The following SCMH1 variants were observed in gnomAD, a reference collection of about 807,000 sequenced individuals.
SCMH1 encodes the protein polycomb protein SCMH1.
SCMH1 carries 37 observed loss-of-function variants against 70.8 expected under a neutral mutation model. The observed-to-expected ratio is 0.52, with a 90% confidence interval of 0.40 to 0.69. The LOEUF (loss-of-function observed/expected upper bound fraction) is 0.69, where lower values mean the gene tolerates loss of function less well. SCMH1 is among the 30% of genes least tolerant of loss of function. The pLI is 0.00. For missense variants in SCMH1, 607 were observed against 827.3 expected, an observed-to-expected ratio of 0.73 and a Z score of 3.27; for synonymous variants, 292 against 307.4, an observed-to-expected ratio of 0.95 and a Z score of 0.52.
At chr1:41,215,729 A>G (rs904219778) in intron 1 of SCMH1, among the ~76,000 whole-genome samples, 2 of 152,076 alleles carry the variant, frequency 1.3e-5, no homozygotes, top group African/African-American at 2.4e-5. Flanking sequence ...ACCCATACTT[A>G]TGGCATTTAA....
intron 1 of SCMH1, among the ~76,000 whole-genome samples, chr1:41,197,168 A>G (rs1653226376): frequency 6.6e-6 from 1 of 152,288 alleles, no homozygotes; most frequent in African/African-American, 2.4e-5. Flanking sequence ...TGGAATTATC[A>G]TATGATCCAG....
intron 5 of SCMH1, among the ~76,000 whole-genome samples, chr1:41,150,859 C>T (rs571165186): frequency 6.6e-6 from 1 of 151,018 alleles, no homozygotes; most frequent in African/African-American, 2.4e-5. Context: ...ATGGTATGTA[C>T]CCAGGAGGCG....
intron 8 of SCMH1, among the ~76,000 whole-genome samples, chr1:41,084,677 C>T (rs1427821611): frequency 2.6e-5 from 4 of 152,086 alleles, no homozygotes; most frequent in East Asian, 1.9e-4. Flanking sequence ...CACATGCACA[C>T]GTATGTTTAC....
At chr1:41,069,734 C>T (rs1655831186) in intron 10 of SCMH1, among the ~76,000 whole-genome samples, 1 of 152,092 alleles carries the variant, frequency 6.6e-6, no homozygotes, top group African/African-American at 2.4e-5. Context: ...GAATCAAGGC[C>T]CACTCAAGAG....
intron 2 of SCMH1, among the ~76,000 whole-genome samples, chr1:41,163,875 T>G (rs932988657): frequency 6.6e-6 from 1 of 152,236 alleles, no homozygotes; most frequent in African/African-American, 2.4e-5. Flanking sequence ...TGGTTATCTT[T>G]GGGTGGTAGT....
At chr1:41,239,147 G>C (rs1456746235) in intron 1 of SCMH1, among the ~76,000 whole-genome samples, 1 of 151,924 alleles carries the variant, frequency 6.6e-6, no homozygotes, top group Non-Finnish European at 1.5e-5. Flanking sequence ...TTGATTTTAG[G>C]ATACTTATGC....
chr1:41,058,239 A>T (rs771525056), intron 10 of SCMH1, among the ~76,000 whole-genome samples: 1 of 152,058 alleles, frequency 6.6e-6, no homozygotes, highest in Non-Finnish European at 1.5e-5. Context: ...TGAATGAGTG[A>T]CTGAAGAAAT....
chr1:41,081,989 G>A (rs1013090363), intron 8 of SCMH1, among the ~76,000 whole-genome samples: 15 of 152,098 alleles, frequency 9.9e-5, no homozygotes, highest in African/African-American at 3.4e-4. Context: ...ACTGTGGTGA[G>A]TCAAATAGGT....
At chr1:41,071,554 TAGA>T (rs1176666021) in intron 9 of SCMH1, among the ~76,000 whole-genome samples, 1 of 152,200 alleles carries the variant, frequency 6.6e-6, no homozygotes, top group Non-Finnish European at 1.5e-5. Context: ...TATAGAATAA[TAGA>T]GGAAATAATA....
intron 1 of SCMH1, among the ~76,000 whole-genome samples, chr1:41,221,772 G>A (rs1447792733): frequency 6.6e-6 from 1 of 151,268 alleles, no homozygotes; most frequent in African/African-American, 2.4e-5. Context: ...GGCACCTGTA[G>A]TCCCAGCTAT....
chr1:41,200,556 G>A (rs1429971251), intron 1 of SCMH1, among the ~76,000 whole-genome samples: 1 of 149,952 alleles, frequency 6.7e-6, no homozygotes, highest in Non-Finnish European at 1.5e-5. Context: ...GAGGAAAACA[G>A]AGTTAGGAAT....
chr1:41,187,355 G>C (rs947012207), intron 1 of SCMH1, among the ~76,000 whole-genome samples: 1 of 151,004 alleles, frequency 6.6e-6, no homozygotes, highest in South Asian at 2.1e-4. Flanking sequence ...CCGGCTACTC[G>C]AGAGGCTGAG....
At chr1:41,106,361 C>G (rs1667919675) in intron 8 of SCMH1, among the ~76,000 whole-genome samples, 1 of 151,670 alleles carries the variant, frequency 6.6e-6, no homozygotes, top group Non-Finnish European at 1.5e-5. Flanking sequence ...ACACCCCCCT[C>G]CCCACACTGC....
chr1:41,225,620 T>G (rs1238399336), intron 1 of SCMH1, among the ~76,000 whole-genome samples: 1 of 152,068 alleles, frequency 6.6e-6, no homozygotes, highest in African/African-American at 2.4e-5. Context: ...ACATAGGAGG[T>G]GACTTTTCAA....
intron 12 of SCMH1, among the ~76,000 whole-genome samples, chr1:41,040,124 C>T (rs930116151): frequency 6.6e-6 from 1 of 152,078 alleles, no homozygotes; most frequent in Non-Finnish European, 1.5e-5. Flanking sequence ...GCTTAAACTT[C>T]CTAGGGTCAA....
intron 8 of SCMH1, among the ~76,000 whole-genome samples, chr1:41,102,380 G>A (rs1187827390): frequency 1.3e-5 from 2 of 152,176 alleles, no homozygotes; most frequent in African/African-American, 4.8e-5. Flanking sequence ...TCAGCTATGT[G>A]CTGCCAGCTG....
At chr1:41,112,004 A>G (rs1033924683) in intron 8 of SCMH1, among the ~76,000 whole-genome samples, 3 of 152,172 alleles carry the variant, frequency 2.0e-5, no homozygotes, top group Admixed American at 1.3e-4. Flanking sequence ...TCTTATGTCA[A>G]TTATATTTCA....
intron 8 of SCMH1, among the ~76,000 whole-genome samples, chr1:41,090,325 T>G (rs1264356464): frequency 1.3e-5 from 2 of 152,206 alleles, no homozygotes; most frequent in Non-Finnish European, 2.9e-5. Context: ...AGAACATTAT[T>G]TTATATTTTT....
intron 1 of SCMH1, among the ~76,000 whole-genome samples, chr1:41,214,823 T>C (rs1435555068): frequency 6.6e-6 from 1 of 152,124 alleles, no homozygotes; most frequent in East Asian, 1.9e-4. Context: ...ATTTTTTGAG[T>C]GTTTGGGAAA....
Sources: gnomAD v4.1 joint callset for allele counts (sites outside exome capture counted in the v4.1 genomes callset) on GRCh38, gnomAD v4.1.1 for gene constraint, MANE v1.5 for transcripts, NCBI Gene and HGNC (gene_info 2026-07-23, HGNC 2026-07-21) for gene names.